The following PRKAR2A variants were observed in gnomAD, a reference collection of about 807,000 sequenced individuals.
The protein encoded by PRKAR2A is cAMP-dependent protein kinase type II-alpha regulatory subunit.
Under a neutral mutation model 51.9 loss-of-function variants are expected in PRKAR2A, and 29 were observed. That is an observed-to-expected ratio of 0.56 (90% CI 0.42 to 0.76). The LOEUF (loss-of-function observed/expected upper bound fraction) is 0.76, where lower values mean the gene tolerates loss of function less well. Ranked by LOEUF, PRKAR2A falls within the 30% of genes least tolerant of loss-of-function variation. The pLI is 0.00. For missense variants in PRKAR2A, 445 were observed against 512.1 expected (o/e 0.87, Z 1.26); for synonymous variants, 178 against 186.2 (o/e 0.96, Z 0.36).
chr3:48,745,797 C>A (rs764619695), downstream of PRKAR2A, among the ~76,000 whole-genome samples: 3 of 152,072 alleles, frequency 2.0e-5, no homozygotes, highest in Non-Finnish European at 4.4e-5. Flanking sequence ...CCTCCACCTC[C>A]CAAAGTGCTG....
At chr3:48,771,144 G>T (rs2082023231) in intron 6 of PRKAR2A, among the ~76,000 whole-genome samples, 1 of 152,100 alleles carries the variant, frequency 6.6e-6, no homozygotes, top group East Asian at 1.9e-4. Context: ...CGAGGTAGGA[G>T]AATCGCTTGA....
chr3:48,765,468 T>A, intron 6 of PRKAR2A, 119 bp from the exon 7 acceptor site: 1 of 690,332 alleles, frequency 1.4e-6, no homozygotes, highest in Non-Finnish European at 2.4e-6. Context: ...AATTAAGTGT[T>A]TAATGATACT....
At chr3:48,837,001 G>C (rs1361964551) in intron 1 of PRKAR2A, among the ~76,000 whole-genome samples, 1 of 151,954 alleles carries the variant, frequency 6.6e-6, no homozygotes, top group African/African-American at 2.4e-5. Context: ...CATGGTGTAT[G>C]CCTGTAGTCC....
intron 1 of PRKAR2A, among the ~76,000 whole-genome samples, chr3:48,826,710 T>A (rs1307927651): frequency 6.6e-6 from 1 of 151,998 alleles, no homozygotes. Context: ...TCAGTTATGA[T>A]CCAAAAGGCT....
At chr3:48,816,345 A>G (rs2082874208) in intron 1 of PRKAR2A, among the ~76,000 whole-genome samples, 1 of 152,216 alleles carries the variant, frequency 6.6e-6, no homozygotes, top group African/African-American at 2.4e-5. Flanking sequence ...ACTCATTTCT[A>G]AATCTCTAGC....
At chr3:48,767,795 G>A (rs750253865) in intron 6 of PRKAR2A, among the ~76,000 whole-genome samples, 2 of 151,654 alleles carry the variant, frequency 1.3e-5, no homozygotes, top group Non-Finnish European at 2.9e-5. Context: ...ATGGCGGCAC[G>A]CGCCTGCAGT....
chr3:48,769,108 C>T (rs1238734811), intron 6 of PRKAR2A, among the ~76,000 whole-genome samples: 4 of 151,194 alleles, frequency 2.6e-5, no homozygotes, highest in Admixed American at 6.6e-5. Context: ...TCAAAAACAA[C>T]AACAACAACA....
intron 1 of PRKAR2A, among the ~76,000 whole-genome samples, chr3:48,835,118 T>A (rs1285458063): frequency 1.3e-5 from 2 of 152,036 alleles, no homozygotes; most frequent in African/African-American, 2.4e-5. Context: ...ACTACAGATG[T>A]ACACCACCAC....
In PRKAR2A at chr3:48,749,523, C is replaced by G. The variant is rs1337005552; in HGVS notation, c.*2062G>C. The G allele has an allele frequency of 6.6e-6, 1 of 151,610 alleles. No individual in the cohort carries two copies. Among genetic ancestry groups the G allele is most frequent in the East Asian group, 1.9e-4 (1 of 5,176 alleles). The allele number at this position is 151,610 out of a possible 1,614,324, so 9.4% of individuals were successfully genotyped here. A position where few individuals can be genotyped will look rare whatever the true frequency, so the allele number is the denominator to read the frequency against. ...TTGAGATGGAGTCTTGCACTGTCAC[C>G]CGGGGTGGAATACAATGGTGCAATC... is the stretch of plus-strand genomic sequence containing the variant. On this transcript the variant is annotated 3_prime_UTR_variant, in exon 11 of 11. Transcript: ENST00000265563.
At chr3:48,845,181 T>C (rs2083443223) in intron 1 of PRKAR2A, among the ~76,000 whole-genome samples, 1 of 152,152 alleles carries the variant, frequency 6.6e-6, no homozygotes, top group Non-Finnish European at 1.5e-5. Context: ...AACTTAAAGA[T>C]AAGAAAATCT....
intron 1 of PRKAR2A, among the ~76,000 whole-genome samples, chr3:48,834,376 ATAAC>A (rs1434106375): frequency 1.3e-5 from 2 of 152,168 alleles, no homozygotes; most frequent in Admixed American, 1.3e-4. Context: ...AAAAAAAACA[ATAAC>A]AAACAAAAAA....
chr3:48,752,064 T>A (rs899602155), intron 10 of PRKAR2A, 112 bp downstream of exon 10: 3 of 1,270,744 alleles, frequency 2.4e-6, no homozygotes, highest in Non-Finnish European at 3.2e-6. Context: ...TCACATAAAC[T>A]GCCTAGGCCT....
intron 1 of PRKAR2A, among the ~76,000 whole-genome samples, chr3:48,838,814 T>TAA (rs535865105): frequency 7.1e-6 from 1 of 140,532 alleles, no homozygotes; most frequent in Non-Finnish European, 1.5e-5. Context: ...CTGTCTCTAC[T>TAA]AAAAAAAAAA....
chr3:48,756,309 A>C (rs1327475500), intron 9 of PRKAR2A, 70 bp downstream of exon 9: 16 of 1,368,608 alleles, frequency 1.2e-5, no homozygotes, highest in African/African-American at 1.4e-5. Context: ...TATTCAACAC[A>C]CTTCACATTA....
At chr3:48,778,870 G>A (rs1030326763) in intron 5 of PRKAR2A, among the ~76,000 whole-genome samples, 5 of 138,408 alleles carry the variant, frequency 3.6e-5, no homozygotes, top group Non-Finnish European at 7.6e-5. Context: ...TTGTTGCCCA[G>A]GCTGGAGTGC....
chr3:48,838,826 T>C (rs74442595), intron 1 of PRKAR2A, among the ~76,000 whole-genome samples: 2 of 140,584 alleles, frequency 1.4e-5, no homozygotes, highest in African/African-American at 2.7e-5. Context: ...AAAAAAAAAA[T>C]ACAAAAAATT....
At position 48,752,463 on chromosome 3, in the gene PRKAR2A, A is replaced by G. The variant is rs1403556563; in HGVS notation, c.940-146T>C. ...AGAAAATTCACTAACTGTACCATGTAAACTCCATGGACTAATCTCAGTGGT... is the reference window on the plus strand; with the variant it reads ...AGAAAATTCACTAACTGTACCATGTGAACTCCATGGACTAATCTCAGTGGT... On this transcript the variant is annotated intron_variant, in intron 9 of 10. Transcript: ENST00000265563. 26 of 888,030 alleles carry G rather than the reference A, an allele frequency of 2.9e-5. No individual in the cohort carries two copies. The Admixed American group carries it at 7.0e-4, about 24-fold the overall frequency. 55.0% of individuals were successfully genotyped at this position (888,030 alleles called of 1,614,324 possible). A position where few individuals can be genotyped will look rare whatever the true frequency, so the allele number is the denominator to read the frequency against.
At chr3:48,825,416 AAGGAGT>A (rs1467904036) in intron 1 of PRKAR2A, among the ~76,000 whole-genome samples, 5 of 152,306 alleles carry the variant, frequency 3.3e-5, no homozygotes, top group African/African-American at 1.2e-4. Flanking sequence ...AAGGACTCTT[AAGGAGT>A]AGGGATGGAG....
At chr3:48,788,035 T>C (rs893693277) in intron 4 of PRKAR2A, among the ~76,000 whole-genome samples, 1 of 152,160 alleles carries the variant, frequency 6.6e-6, no homozygotes, top group Non-Finnish European at 1.5e-5. Flanking sequence ...TAATTTTAAA[T>C]TTTTAGCTTT....
Sources: allele counts gnomAD v4.1 joint callset (sites outside exome capture counted in the v4.1 genomes callset), GRCh38; gene constraint gnomAD v4.1.1; transcripts MANE v1.5; gene names NCBI Gene and HGNC (gene_info 2026-07-23, HGNC 2026-07-21).